ARHGAP32: variants seen among roughly 807,000 people sequenced by gnomAD.
ARHGAP32 encodes the protein rho GTPase-activating protein 32.
Under a neutral mutation model 186.5 loss-of-function variants are expected in ARHGAP32, and 51 were observed. The ratio of observed to expected loss-of-function variants is 0.27; its 90% CI spans 0.22 to 0.35. The LOEUF is 0.35. Among genes scored for constraint, ARHGAP32 ranks in the 10% least tolerant of loss-of-function variants. ARHGAP32 has a pLI of 1.00. For missense variants in ARHGAP32, 2,186 were observed against 2,623.5 expected (o/e 0.83, Z 3.64); for synonymous variants, 950 against 964.3 (o/e 0.99, Z 0.27).
chr11:129,110,733 T>C (rs1422229715), intron 5 of ARHGAP32, among the ~76,000 whole-genome samples: 2 of 152,176 alleles, frequency 1.3e-5, no homozygotes, highest in Non-Finnish European at 2.9e-5. Flanking sequence ...TTTTCAGCTA[T>C]TTCATTACTG....
intron 20 of ARHGAP32, 22 bp downstream of exon 20, chr11:128,976,541 T>C: frequency 6.3e-7 from 1 of 1,591,422 alleles, no homozygotes; most frequent in Non-Finnish European, 8.6e-7. Flanking sequence ...TAGAATAAAA[T>C]GACTGATGCT....
At chr11:129,232,183 A>C (rs1336037938) in intron 1 of ARHGAP32, among the ~76,000 whole-genome samples, 1 of 152,104 alleles carries the variant, frequency 6.6e-6, no homozygotes, top group Non-Finnish European at 1.5e-5. Context: ...GAGTTTGAGA[A>C]CCACACTCAC....
At chr11:129,093,053 T>C (rs572520885) in intron 6 of ARHGAP32, among the ~76,000 whole-genome samples, 2 of 152,106 alleles carry the variant, frequency 1.3e-5, no homozygotes, top group South Asian at 2.1e-4. Flanking sequence ...GTTCCAATAT[T>C]AAAAGTCAAG....
intron 1 of ARHGAP32, among the ~76,000 whole-genome samples, chr11:129,218,611 A>C (rs932454508): frequency 9.9e-5 from 15 of 152,172 alleles, no homozygotes; most frequent in African/African-American, 3.6e-4. Flanking sequence ...AGGAGAGATG[A>C]GACAGAAAAG....
intron 1 of ARHGAP32, among the ~76,000 whole-genome samples, chr11:129,181,625 A>C (rs1247427676): frequency 1.3e-5 from 2 of 152,154 alleles, no homozygotes; most frequent in African/African-American, 4.8e-5. Context: ...TAATATTCCC[A>C]GAATTCCTAA....
intron 2 of ARHGAP32, among the ~76,000 whole-genome samples, chr11:129,129,196 G>A (rs1476409597): frequency 7.1e-6 from 1 of 140,018 alleles, no homozygotes; most frequent in African/African-American, 2.6e-5. Context: ...CCCGGCAGCC[G>A]CACCGTCTGG....
chr11:129,209,350 G>A (rs574749937), intron 1 of ARHGAP32, among the ~76,000 whole-genome samples: 19 of 151,782 alleles, frequency 1.3e-4, no homozygotes, highest in South Asian at 2.1e-4. Flanking sequence ...TGGATGGCAC[G>A]GAGTCTCTGG....
intron 1 of ARHGAP32, among the ~76,000 whole-genome samples, chr11:129,170,061 C>A (rs1476949176): frequency 6.6e-6 from 1 of 151,880 alleles, no homozygotes; most frequent in Non-Finnish European, 1.5e-5. Flanking sequence ...TATACAAAAA[C>A]CCAGTAATAT....
At position 129,164,327 on chromosome 11, in the gene ARHGAP32, T is replaced by C; in HGVS notation, c.217A>G (p.Ser73Gly). The change falls in exon 2 of 23, where the codon AGC (serine) becomes GGC (glycine). Residue 73 changes from serine (S) to glycine (G), a missense_variant. Physicochemically the swap from Ser to Gly is moderately conservative, Grantham distance 56 (BLOSUM62 0). Around this residue, in one of 5 missense-constraint regions of ARHGAP32, gnomAD observed 108 missense variants for 116.8 expected, o/e 0.92. Coordinates refer to ENST00000682385, the MANE Select transcript of ARHGAP32 (RefSeq NM_001378024.1). ...RERPDWEETL[S>G]AMARGADVPE... ...GTATAAAACTGATTTACCATTGCGC[T>C]AAGAGTTTCTTCCCAATCAGGCCGC... is the stretch of plus-strand genomic sequence containing the variant. 1 of 1,548,788 alleles carries C rather than the reference T, an allele frequency of 6.5e-7. No individual in the cohort carries two copies. The highest frequency in any genetic ancestry group is 8.8e-7 in the Non-Finnish European group (1 of 1,137,874).
chr11:129,123,404 G>C lies in ARHGAP32; in HGVS notation c.444+42C>G. 6.7e-7 allele frequency: 1 copy of C among 1,498,582 alleles called. No individual in the cohort carries two copies. Among genetic ancestry groups the C allele is most frequent in the Non-Finnish European group, 9.3e-7 (1 of 1,078,874 alleles). The allele number at this position is 1,498,582 out of a possible 1,614,324, so 92.8% of individuals were successfully genotyped here. The stretch of plus-strand genomic sequence containing the variant: ...TAAGCATCTAGATATAAAGGTAAAT[G>C]TGTAAATCTTAATTCAAGATGTAAG... On this transcript the variant is annotated intron_variant, in intron 5 of 22. Coordinates refer to ENST00000682385, the MANE Select transcript of ARHGAP32 (RefSeq NM_001378024.1). The surrounding 1 kb of genome is among the most constrained non-coding windows in gnomAD (Gnocchi z 4.6).
chr11:128,981,783 A>G (rs977924993), intron 16 of ARHGAP32, 46 bp downstream of exon 16: 1 of 1,379,774 alleles, frequency 7.2e-7, no homozygotes. Flanking sequence ...TCAGCCTTTT[A>G]TTTAGGATTA....
At chr11:129,033,488 T>G (rs1045875708) in intron 11 of ARHGAP32, among the ~76,000 whole-genome samples, 1 of 152,214 alleles carries the variant, frequency 6.6e-6, no homozygotes, top group Non-Finnish European at 1.5e-5. Flanking sequence ...GATCTGCATT[T>G]TCCTAAAGAC....
chr11:129,253,564 C>A (rs1272687727), intron 1 of ARHGAP32, among the ~76,000 whole-genome samples: 1 of 151,918 alleles, frequency 6.6e-6, no homozygotes, highest in African/African-American at 2.4e-5. Context: ...ATGTGAAAAT[C>A]TGATACTAAC....
Position 128,974,544 on chromosome 11 carries a change from T to A in ARHGAP32, c.2653A>T (p.Ser885Cys). 1 of 1,614,200 alleles carries A rather than the reference T, an allele frequency of 6.2e-7. No individual in the cohort carries two copies. The highest frequency in any genetic ancestry group is 1.1e-5 in the South Asian group (1 of 91,080). ...KLSPFFTLDL[S>C]PTEDKSSKPS... ...TTAGATGATTTATCTTCAGTTGGGC[T>A]CAAGTCCAGGGTAAAGAATGGACTC... Residue 885 changes from serine (S) to cysteine (C), a missense_variant, in exon 21 of 23, where the codon AGC (serine) becomes TGC (cysteine). Around this residue, in one of 5 missense-constraint regions of ARHGAP32, gnomAD observed 1,502 missense variants for 1,570.0 expected, o/e 0.96. Coordinates refer to ENST00000682385, the MANE Select transcript of ARHGAP32 (RefSeq NM_001378024.1).
chr11:129,044,143 A>G (rs550335038), intron 10 of ARHGAP32, among the ~76,000 whole-genome samples: 1 of 152,308 alleles, frequency 6.6e-6, no homozygotes, highest in South Asian at 2.1e-4. Context: ...CACTCACTAG[A>G]TTAGGTTTGT....
intron 5 of ARHGAP32, among the ~76,000 whole-genome samples, chr11:129,120,942 G>A (rs1433163147): frequency 8.6e-5 from 13 of 152,030 alleles, no homozygotes; most frequent in Non-Finnish European, 1.9e-4. Flanking sequence ...ATCTATTATT[G>A]ACACATTTTA....
chr11:129,180,092 G>T (rs566470530), intron 1 of ARHGAP32, among the ~76,000 whole-genome samples: 11 of 152,028 alleles, frequency 7.2e-5, no homozygotes, highest in Middle Eastern at 6.8e-3. Flanking sequence ...AAAAAATCGT[G>T]TATTTACATA....
At chr11:129,219,214 GA>G (rs1299702829) in intron 1 of ARHGAP32, among the ~76,000 whole-genome samples, 7 of 152,074 alleles carry the variant, frequency 4.6e-5, no homozygotes, top group African/African-American at 1.7e-4. Context: ...CCTTTATTTT[GA>G]AAGGTGTGCT....
intron 1 of ARHGAP32, among the ~76,000 whole-genome samples, chr11:129,221,423 T>C (rs540121727): frequency 6.6e-6 from 1 of 152,008 alleles, no homozygotes; most frequent in East Asian, 1.9e-4. Flanking sequence ...TGCATTTTAA[T>C]TTTGCTCCCT....
Sources: allele counts gnomAD v4.1 joint callset (sites outside exome capture counted in the v4.1 genomes callset), GRCh38; gene constraint gnomAD v4.1.1; regional missense constraint gnomAD v4.1.1; non-coding constraint Gnocchi (gnomAD v3.1); transcripts MANE v1.5; gene names NCBI Gene and HGNC (gene_info 2026-07-23, HGNC 2026-07-21).